Variants in CDH10 observed in about 807,000 individuals in gnomAD.
The protein encoded by CDH10 is cadherin 10.
CDH10 carries 30 observed loss-of-function variants against 73.1 expected under a neutral mutation model. That is an observed-to-expected ratio of 0.41 (90% CI 0.31 to 0.56). The LOEUF (loss-of-function observed/expected upper bound fraction) is 0.56. CDH10 is among the 20% of genes least tolerant of loss of function. The pLI is 0.27. For missense variants in CDH10, 815 were observed against 973.7 expected (o/e 0.84, Z 2.17); for synonymous variants, 345 against 348.2 (o/e 0.99, Z 0.10).
chr5:24,492,803 G>C lies in CDH10; in HGVS notation c.1624+14C>G, dbSNP rs753464010. The C allele has an allele frequency of 9.3e-7, 1 of 1,078,626 alleles. No homozygotes were observed. The highest frequency in any genetic ancestry group is 2.4e-5 in the East Asian group (1 of 42,282). The allele number at this position is 1,078,626 out of a possible 1,614,324, so 66.8% of individuals were successfully genotyped here. On this transcript the variant is annotated intron_variant, in intron 10 of 11. Coordinates refer to ENST00000264463, the MANE Select transcript of CDH10 (RefSeq NM_006727.5). ...TATCATCATAAGTCATAGTGAACAAGTTCTAAAATTTACCTTCATTATCCT... is the reference window on the plus strand; with the variant it reads ...TATCATCATAAGTCATAGTGAACAACTTCTAAAATTTACCTTCATTATCCT...
rs774989278 is a variant in CDH10 at position 24,537,566 on chromosome 5, T to C, written c.340A>G (p.Thr114Ala). 1 of 1,612,670 alleles carries C rather than the reference T, an allele frequency of 6.2e-7. No homozygotes were observed. ...TTTTCCTCCCTATCAATTCGCCTTGTGGCATGAATATCACCTGTTTTTTCA... is the reference window on the plus strand; with the variant it reads ...TTTTCCTCCCTATCAATTCGCCTTGCGGCATGAATATCACCTGTTTTTTCA... ...IDEKTGDIHA[T>A]RRIDREEKAF... The change falls in exon 3 of 12, where the codon ACA (threonine) becomes GCA (alanine). Residue 114 changes from threonine (T) to alanine (A), a missense_variant. Around this residue, in one of 3 missense-constraint regions of CDH10, gnomAD observed 516 missense variants for 636.6 expected, o/e 0.81. Coordinates refer to ENST00000264463, the MANE Select transcript of CDH10 (RefSeq NM_006727.5).
intron 2 of CDH10, among the ~76,000 whole-genome samples, chr5:24,561,835 A>G (rs1355554256): frequency 6.6e-6 from 1 of 152,196 alleles, no homozygotes; most frequent in African/African-American, 2.4e-5. Context: ...CACTGATCAC[A>G]GTAATTAATT....
intron 8 of CDH10, among the ~76,000 whole-genome samples, chr5:24,504,610 C>A (rs897972656): frequency 1.4e-5 from 2 of 144,084 alleles, no homozygotes; most frequent in Non-Finnish European, 3.0e-5. Flanking sequence ...ACTGCAACCT[C>A]TGCCTCCCAG....
chr5:24,643,410 C>T (rs1748120048), intron 1 of CDH10, among the ~76,000 whole-genome samples: 2 of 151,326 alleles, frequency 1.3e-5, no homozygotes, highest in African/African-American at 2.4e-5. Flanking sequence ...CTTGTAGCTA[C>T]GTTTTAAAGG....
intron 2 of CDH10, among the ~76,000 whole-genome samples, chr5:24,562,309 A>G (rs1744990161): frequency 6.6e-6 from 1 of 152,048 alleles, no homozygotes; most frequent in African/African-American, 2.4e-5. Flanking sequence ...AAGAAGTATT[A>G]TCTCCCCCTC....
At chr5:24,600,190 A>C (rs897561784) in intron 1 of CDH10, among the ~76,000 whole-genome samples, 4 of 152,196 alleles carry the variant, frequency 2.6e-5, no homozygotes, top group Non-Finnish European at 5.9e-5. Context: ...CAATCCCAAA[A>C]TATAGAATAT....
chr5:24,634,246 T>G (rs541350637), intron 1 of CDH10, among the ~76,000 whole-genome samples: 1 of 152,008 alleles, frequency 6.6e-6, no homozygotes, highest in South Asian at 2.1e-4. Context: ...TTGCACAATG[T>G]TATTCTCACT....
At chr5:24,545,093 C>T (rs554779541) in intron 2 of CDH10, among the ~76,000 whole-genome samples, 3 of 152,206 alleles carry the variant, frequency 2.0e-5, no homozygotes, top group Non-Finnish European at 4.4e-5. Flanking sequence ...TAGCTTATCA[C>T]TTGTAAAGAG....
At chr5:24,596,955 A>C (rs1746391512) in intron 1 of CDH10, among the ~76,000 whole-genome samples, 1 of 152,026 alleles carries the variant, frequency 6.6e-6, no homozygotes, top group African/African-American at 2.4e-5. Context: ...ACAGAATTAT[A>C]ATGAAAAGGA....
In CDH10 at chr5:24,509,824, A is replaced by G. The variant is rs768940025; in HGVS notation, c.1003-5T>C. ...TCGGCTCTCATAGTCGAGTGGCTGTATAAAAAAATAAATCATCAAATTAGA... is the reference window on the plus strand; with the variant it reads ...TCGGCTCTCATAGTCGAGTGGCTGTGTAAAAAAATAAATCATCAAATTAGA... On this transcript the variant is annotated splice_region_variant and splice_polypyrimidine_tract_variant and intron_variant, in intron 6 of 11. Coordinates refer to ENST00000264463, the MANE Select transcript of CDH10 (RefSeq NM_006727.5). 6.3e-7 allele frequency: 1 copy of G among 1,595,146 alleles called. No homozygotes were observed. Among genetic ancestry groups the G allele is most frequent in the African/African-American group, 1.4e-5 (1 of 73,844 alleles).
At chr5:24,552,379 T>G (rs1478375666) in intron 2 of CDH10, among the ~76,000 whole-genome samples, 1 of 152,016 alleles carries the variant, frequency 6.6e-6, no homozygotes, top group East Asian at 1.9e-4. Context: ...TTCAATATAA[T>G]AATTATAATC....
chr5:24,563,772 C>T (rs1745055582), intron 2 of CDH10, among the ~76,000 whole-genome samples: 1 of 44,924 alleles, frequency 2.2e-5, no homozygotes, highest in Non-Finnish European at 4.5e-5. Flanking sequence ...CCGCCCCCTC[C>T]ACCAAAAAAA....
At chr5:24,501,354 T>G (rs896155487) in intron 8 of CDH10, among the ~76,000 whole-genome samples, 4 of 152,172 alleles carry the variant, frequency 2.6e-5, no homozygotes, top group African/African-American at 7.2e-5. Context: ...ATGTGCTTTG[T>G]AAAGCATCGA....
intron 1 of CDH10, chr5:24,611,747 A>G (rs1257187571): frequency 1.3e-5 from 2 of 152,118 alleles, no homozygotes; most frequent in African/African-American, 4.8e-5. Flanking sequence ...AGGTGAAGAG[A>G]TACATTCCCA....
intron 5 of CDH10, among the ~76,000 whole-genome samples, chr5:24,528,236 A>T (rs533179871): frequency 2.0e-5 from 3 of 151,990 alleles, no homozygotes; most frequent in South Asian, 2.1e-4. Flanking sequence ...TCTAGATAAT[A>T]AAACAGGGAA....
At chr5:24,575,974 T>G (rs961560853) in intron 2 of CDH10, among the ~76,000 whole-genome samples, 2 of 152,188 alleles carry the variant, frequency 1.3e-5, no homozygotes, top group Admixed American at 1.3e-4. Flanking sequence ...ACTTACTGTT[T>G]GTTACCTATT....
chr5:24,490,045 T>A (rs1741992967), intron 11 of CDH10, among the ~76,000 whole-genome samples: 2 of 152,134 alleles, frequency 1.3e-5, no homozygotes, highest in South Asian at 4.1e-4. Context: ...CATTTTTTTG[T>A]CAAGTGAAAA....
chr5:24,520,403 T>C (rs1409160360), intron 5 of CDH10, among the ~76,000 whole-genome samples: 1 of 152,162 alleles, frequency 6.6e-6, no homozygotes, highest in African/African-American at 2.4e-5. Flanking sequence ...ATACTATCTT[T>C]ATAAACCTCA....
intron 5 of CDH10, among the ~76,000 whole-genome samples, chr5:24,529,640 A>C (rs1743655990): frequency 6.6e-6 from 1 of 151,940 alleles, no homozygotes; most frequent in Non-Finnish European, 1.5e-5. Flanking sequence ...ATCATATCAA[A>C]TCTCACTTAA....
Sources: gnomAD v4.1 joint callset for allele counts (sites outside exome capture counted in the v4.1 genomes callset) on GRCh38, gnomAD v4.1.1 for gene constraint, gnomAD v4.1.1 regional missense constraint, MANE v1.5 for transcripts, NCBI Gene and HGNC (gene_info 2026-07-23, HGNC 2026-07-21) for gene names.